CDK6: variants seen among roughly 807,000 people sequenced by gnomAD.
The protein encoded by CDK6 is cyclin-dependent kinase 6.
Under a neutral mutation model 37.1 loss-of-function variants are expected in CDK6, and 6 were observed. That is an observed-to-expected ratio of 0.16 (90% CI 0.09 to 0.32). The LOEUF (loss-of-function observed/expected upper bound fraction) is 0.32, where lower values mean the gene tolerates loss of function less well. Ranked by LOEUF, CDK6 falls within the 10% of genes least tolerant of loss-of-function variation. CDK6 has a pLI of 1.00. For synonymous variants in CDK6, 160 were observed against 161.3 expected (o/e 0.99, Z 0.06); for missense variants, 224 against 418.9 (o/e 0.53, Z 4.06).
At chr7:92,657,910 C>T (rs1016345620) in intron 5 of CDK6, among the ~76,000 whole-genome samples, 8 of 152,092 alleles carry the variant, frequency 5.3e-5, no homozygotes, top group Non-Finnish European at 1.0e-4. Flanking sequence ...TTCGTACAGA[C>T]AGGGTCTCAC....
At chr7:92,749,437 C>A (rs1055948164) in intron 3 of CDK6, among the ~76,000 whole-genome samples, 2 of 152,084 alleles carry the variant, frequency 1.3e-5, no homozygotes, top group Non-Finnish European at 2.9e-5. Flanking sequence ...GCATTCTAGC[C>A]TGAGTAATGG....
chr7:92,606,767 T>C lies in CDK6; in HGVS notation c.*8373A>G, dbSNP rs983159170. ...CCCTATGGCAATGCAGAAACACTAA[T>C]ACATTTTACAGTGAAAACCTACTTT... On this transcript the variant is annotated 3_prime_UTR_variant, in exon 8 of 8. Coordinates refer to ENST00000424848, the MANE Select transcript of CDK6 (RefSeq NM_001145306.2). 1 of 233,018 alleles carries C rather than the reference T, an allele frequency of 4.3e-6. No individual in the cohort carries two copies. Among genetic ancestry groups the C allele is most frequent in the African/African-American group, 2.2e-5 (1 of 45,344 alleles). 14.4% of individuals were successfully genotyped at this position (233,018 alleles called of 1,614,324 possible). A position where few individuals can be genotyped will look rare whatever the true frequency, so the allele number is the denominator to read the frequency against.
intron 5 of CDK6, among the ~76,000 whole-genome samples, chr7:92,665,052 TG>T (rs1796924880): frequency 6.6e-6 from 1 of 152,180 alleles, no homozygotes; most frequent in Non-Finnish European, 1.5e-5. Flanking sequence ...CCCAAAGTGC[TG>T]GGATTACAGG....
At chr7:92,666,130 A>C (rs144414985) in intron 5 of CDK6, among the ~76,000 whole-genome samples, 294 of 152,364 alleles carry the variant, frequency 1.9e-3, no homozygotes, top group Non-Finnish European at 3.0e-3. Flanking sequence ...CTATTCCTCA[A>C]AGATTTTAAA....
In CDK6 at chr7:92,774,545, C is replaced by T. The variant is rs3731303; in HGVS notation, c.369+151G>A. On this transcript the variant is annotated intron_variant, in intron 3 of 7. Transcript: ENST00000424848. ...ACTTAGTTGATGAACTGGAATATAT[C>T]CCAATCTTTGAACATTTTCTTTGAT... 68,082 of 606,166 alleles carry T rather than the reference C, an allele frequency of 0.11. 4,692 individuals are homozygous for T. The highest frequency in any genetic ancestry group is 0.27 in the South Asian group (9,463 of 34,668). 37.5% of individuals were successfully genotyped at this position (606,166 alleles called of 1,614,324 possible). A position where few individuals can be genotyped will look rare whatever the true frequency, so the allele number is the denominator to read the frequency against.
chr7:92,716,539 T>G (rs1798232757), intron 4 of CDK6, among the ~76,000 whole-genome samples: 1 of 152,190 alleles, frequency 6.6e-6, no homozygotes, highest in Non-Finnish European at 1.5e-5. Context: ...ATATGGCCAA[T>G]GTTACAGAAT....
Position 92,687,097 on chromosome 7 carries a change from C to T in CDK6, c.538-15562G>A, listed in dbSNP as rs75211595. On this transcript the variant is annotated intron_variant, in intron 4 of 7. Coordinates refer to ENST00000424848, the MANE Select transcript of CDK6 (RefSeq NM_001145306.2). ...ACTATTGTAGATACTTAAAAGAGAA[C>T]TCTGACATATGGCAAAAATAGAAGC... Among the ~76,000 whole-genome samples the T allele has an allele frequency of 5.6e-3, 849 of 152,264 alleles. 4 individuals are homozygous for T. Among genetic ancestry groups the T allele is most frequent in the African/African-American group, 0.02 (812 of 41,554 alleles).
At chr7:92,805,088 C>T (rs1013570730) in intron 2 of CDK6, among the ~76,000 whole-genome samples, 4 of 152,202 alleles carry the variant, frequency 2.6e-5, no homozygotes, top group African/African-American at 9.6e-5. Context: ...TCTCTTGATT[C>T]AAAGAGCTTG....
intron 4 of CDK6, among the ~76,000 whole-genome samples, chr7:92,712,870 G>GTATT (rs553763210): frequency 1.3e-5 from 2 of 149,334 alleles, no homozygotes; most frequent in African/African-American, 5.1e-5. Flanking sequence ...ATGTATGTAT[G>GTATT]TATGTATGTA....
At chr7:92,765,198 C>T (rs923595345) in intron 3 of CDK6, among the ~76,000 whole-genome samples, 3 of 152,016 alleles carry the variant, frequency 2.0e-5, no homozygotes, top group East Asian at 3.9e-4. Context: ...TCCTGAGATA[C>T]GAGAATAGGG....
intron 5 of CDK6, among the ~76,000 whole-genome samples, chr7:92,642,722 T>C (rs2116538444): frequency 6.6e-6 from 1 of 152,134 alleles, no homozygotes; most frequent in Admixed American, 6.5e-5. Context: ...ATTTTACAAT[T>C]GAGGAAACTG....
At position 92,702,698 on chromosome 7, in the gene CDK6, A is replaced by G. The variant is rs180855583; in HGVS notation, c.537+22928T>C. Among the ~76,000 whole-genome samples, 364 of 152,214 alleles carry G rather than the reference A, an allele frequency of 2.4e-3. 1 individual carries two copies. Among genetic ancestry groups the G allele is most frequent in the African/African-American group, 8.5e-3 (354 of 41,518 alleles). ...CTTGTTTCTCCTCCACTACCCACAG[A>G]CTTTGGTGCCAGAGACCATAGGACA... On this transcript the variant is annotated intron_variant, in intron 4 of 7. Coordinates refer to ENST00000424848, the MANE Select transcript of CDK6 (RefSeq NM_001145306.2).
intron 2 of CDK6, among the ~76,000 whole-genome samples, chr7:92,815,610 C>G (rs1465629178): frequency 1.3e-5 from 2 of 152,108 alleles, no homozygotes; most frequent in Non-Finnish European, 2.9e-5. Flanking sequence ...AGGCAATTTC[C>G]AGACCACAGG....
intron 4 of CDK6, among the ~76,000 whole-genome samples, chr7:92,719,749 T>C (rs1263435217): frequency 6.6e-6 from 1 of 152,118 alleles, no homozygotes; most frequent in African/African-American, 2.4e-5. Context: ...GATACTGAGG[T>C]ACCAAAAAGA....
intron 2 of CDK6, among the ~76,000 whole-genome samples, chr7:92,795,675 G>T (rs567467796): frequency 6.6e-6 from 1 of 152,160 alleles, no homozygotes; most frequent in Admixed American, 6.6e-5. Context: ...ACATTCAGTC[G>T]TGCTATTTCT....
At position 92,613,647 on chromosome 7, in the gene CDK6, T is replaced by C. The variant is rs1684102429; in HGVS notation, c.*1493A>G. Reference sequence around the variant, plus strand: ...GCCTGGGGGATGGAGAAAAGATCATTTGATAGAGTAAATGTATGGCCCTAA... The same window carrying C: ...GCCTGGGGGATGGAGAAAAGATCATCTGATAGAGTAAATGTATGGCCCTAA... On this transcript the variant is annotated 3_prime_UTR_variant, in exon 8 of 8. Transcript: ENST00000424848. 4.3e-6 allele frequency: 1 copy of C among 233,180 alleles called. No homozygotes were observed. The highest frequency in any genetic ancestry group is 8.5e-6 in the Non-Finnish European group (1 of 118,006). The allele number at this position is 233,180 out of a possible 1,614,324, so 14.4% of individuals were successfully genotyped here. A position where few individuals can be genotyped will look rare whatever the true frequency, so the allele number is the denominator to read the frequency against.
chr7:92,716,190 T>A (rs1798226268), intron 4 of CDK6, among the ~76,000 whole-genome samples: 1 of 152,206 alleles, frequency 6.6e-6, no homozygotes, highest in Non-Finnish European at 1.5e-5. Flanking sequence ...ACATGGAGAA[T>A]GCAGAGTAGG....
intron 2 of CDK6, among the ~76,000 whole-genome samples, chr7:92,789,337 T>C: frequency 6.6e-6 from 1 of 152,120 alleles, no homozygotes; most frequent in East Asian, 1.9e-4. Flanking sequence ...GACAGTAACA[T>C]GGAGCCATAT....
intron 3 of CDK6, among the ~76,000 whole-genome samples, chr7:92,740,310 G>T (rs529007257): frequency 2.6e-5 from 4 of 152,006 alleles, no homozygotes; most frequent in African/African-American, 7.3e-5. Context: ...CCTATCCCCC[G>T]ATATACACAC....
Sources: allele counts gnomAD v4.1 joint callset (sites outside exome capture counted in the v4.1 genomes callset), GRCh38; gene constraint gnomAD v4.1.1; transcripts MANE v1.5; gene names NCBI Gene and HGNC (gene_info 2026-07-23, HGNC 2026-07-21).